The following ZMAT3 variants were observed in gnomAD, a reference collection of about 807,000 sequenced individuals.
ZMAT3 encodes zinc finger matrin-type protein 3.
Under a neutral mutation model 32.3 loss-of-function variants are expected in ZMAT3, and 17 were observed. The ratio of observed to expected loss-of-function variants is 0.53; its 90% CI spans 0.36 to 0.79. The LOEUF is 0.79. Ranked by LOEUF, ZMAT3 falls within the 30% of genes least tolerant of loss-of-function variation. ZMAT3 has a pLI of 0.00. For missense variants in ZMAT3, 329 were observed against 359.7 expected (o/e 0.91, Z 0.69); for synonymous variants, 120 against 133.1 (o/e 0.90, Z 0.68).
rs1276525056 is a variant in ZMAT3, at chr3:179,018,374, T to C, written c.*6643A>G. On this transcript the variant is annotated 3_prime_UTR_variant, in exon 6 of 6. Transcript: ENST00000311417. The stretch of plus-strand genomic sequence containing the variant: ...GTATTCAACAGTGCAGCAAGATTTT[T>C]AGCAACTGCGTCGGGCTTAATTTGG... The C allele has an allele frequency of 6.6e-6, 1 of 152,148 alleles. No homozygotes were observed. The highest frequency in any genetic ancestry group is 1.5e-5 in the Non-Finnish European group (1 of 68,028). The allele number at this position is 152,148 out of a possible 1,614,324, so 9.4% of individuals were successfully genotyped here.
intron 2 of ZMAT3, among the ~76,000 whole-genome samples, chr3:179,058,527 C>T (rs977827104): frequency 4.6e-5 from 7 of 152,210 alleles, no homozygotes; most frequent in Admixed American, 4.6e-4. Flanking sequence ...GAGGCCGAGG[C>T]GGGCGGATCA....
intron 2 of ZMAT3, among the ~76,000 whole-genome samples, chr3:179,034,167 A>T (rs1337369684): frequency 6.6e-6 from 1 of 152,246 alleles, no homozygotes; most frequent in Non-Finnish European, 1.5e-5. Flanking sequence ...TTCACCATCT[A>T]TTTATATGCT....
intron 2 of ZMAT3, among the ~76,000 whole-genome samples, chr3:179,063,250 A>G (rs533686221): frequency 1.3e-5 from 2 of 152,366 alleles, no homozygotes; most frequent in Non-Finnish European, 1.5e-5. Flanking sequence ...AAATTAGCTG[A>G]GATTTAATTC....
intron 2 of ZMAT3, among the ~76,000 whole-genome samples, chr3:179,050,318 C>CA (rs1418515546): frequency 1.3e-5 from 2 of 151,842 alleles, no homozygotes; most frequent in Non-Finnish European, 2.9e-5. Flanking sequence ...CACAGAAATA[C>CA]AAAAAATCAT....
upstream of ZMAT3, chr3:179,072,055 A>G (rs1313051506): frequency 6.6e-6 from 1 of 152,478 alleles, no homozygotes; most frequent in African/African-American, 2.4e-5. Context: ...CTCAGCAGAC[A>G]GCCCCGAAGA....
intron 2 of ZMAT3, among the ~76,000 whole-genome samples, chr3:179,042,055 T>A (rs1298216963): frequency 6.6e-6 from 1 of 152,178 alleles, no homozygotes. Context: ...AATCTCTGAA[T>A]AGACCAGTAA....
intron 2 of ZMAT3, among the ~76,000 whole-genome samples, chr3:179,033,516 GGAAA>G (rs201059061): frequency 0.043 from 6,247 of 144,556 alleles, 167 homozygotes; most frequent in Non-Finnish European, 0.062. Flanking sequence ...TTAAAAAAAA[GGAAA>G]GAAAGAAAAG....
At chr3:179,068,426 C>T (rs979547131) in intron 1 of ZMAT3, among the ~76,000 whole-genome samples, 22 of 151,986 alleles carry the variant, frequency 1.4e-4, no homozygotes, top group African/African-American at 3.9e-4. Flanking sequence ...GCAGGAGAAT[C>T]GCTTGAACCG....
chr3:179,059,423 G>A (rs112059368), intron 2 of ZMAT3, among the ~76,000 whole-genome samples: 2 of 152,258 alleles, frequency 1.3e-5, no homozygotes, highest in African/African-American at 4.8e-5. Context: ...CCCATCAGAT[G>A]GCCAAAGCAT....
At chr3:179,032,869 G>A (rs1257327113) in intron 2 of ZMAT3, among the ~76,000 whole-genome samples, 2 of 150,872 alleles carry the variant, frequency 1.3e-5, no homozygotes, top group African/African-American at 4.9e-5. Context: ...CAGGAGGTGG[G>A]GGGCAGCCCC....
intron 2 of ZMAT3, among the ~76,000 whole-genome samples, chr3:179,062,193 T>A (rs1009958884): frequency 1.3e-5 from 2 of 151,884 alleles, no homozygotes; most frequent in East Asian, 3.9e-4. Flanking sequence ...ATGGTGACAA[T>A]GGAAAGGACC....
rs1385874874 is a variant in ZMAT3, at chr3:179,023,691, T to C, written c.*1326A>G. ...TTGTTTCCTAAAAACTGCTGGAAAA[T>C]ATATCTATATATATATATATTTTTT... On this transcript the variant is annotated 3_prime_UTR_variant, in exon 6 of 6. Coordinates refer to ENST00000311417, the MANE Select transcript of ZMAT3 (RefSeq NM_022470.4). 1 of 18,826 alleles carries C rather than the reference T, an allele frequency of 5.3e-5. No individual in the cohort carries two copies. The highest frequency in any genetic ancestry group is 8.5e-5 in the Non-Finnish European group (1 of 11,710). 1.2% of individuals were successfully genotyped at this position (18,826 alleles called of 1,614,324 possible).
chr3:179,071,091 A>G (rs2108596390), intron 1 of ZMAT3, among the ~76,000 whole-genome samples: 1 of 152,318 alleles, frequency 6.6e-6, no homozygotes, highest in East Asian at 1.9e-4. Flanking sequence ...AAAAAAAATA[A>G]TAATAATAAT....
Position 179,040,020 on chromosome 3 carries a change from A to G in ZMAT3, c.271-9021T>C, listed in dbSNP as rs139248849. On this transcript the variant is annotated intron_variant, in intron 2 of 5. Transcript: ENST00000311417. ...TTAATTAATGAAATAAAGCAAGAAGACATGGTTAGAAAAAAAGAGTAAAAA... is the reference window on the plus strand; with the variant it reads ...TTAATTAATGAAATAAAGCAAGAAGGCATGGTTAGAAAAAAAGAGTAAAAA... Among the ~76,000 whole-genome samples the G allele has an allele frequency of 1.8e-4, 27 of 152,282 alleles. No homozygotes were observed. In the East Asian group the frequency reaches 3.1e-3, roughly 17 times the overall value.
intron 2 of ZMAT3, among the ~76,000 whole-genome samples, chr3:179,053,103 C>T (rs1448399258): frequency 2.0e-5 from 3 of 151,122 alleles, no homozygotes; most frequent in Admixed American, 1.3e-4. Flanking sequence ...ATTCCAGCCT[C>T]GGTGACAGAG....
At chr3:179,060,478 C>T (rs959719176) in intron 2 of ZMAT3, among the ~76,000 whole-genome samples, 10 of 151,738 alleles carry the variant, frequency 6.6e-5, no homozygotes, top group African/African-American at 2.4e-4. Context: ...CCTGCCTCTA[C>T]TAAAAATACA....
rs1186029429 is a variant in ZMAT3 at position 179,046,735 on chromosome 3, T to C, written c.271-15736A>G. Among the ~76,000 whole-genome samples the C allele has an allele frequency of 6.6e-6, 1 of 152,168 alleles. No homozygotes were observed. Among genetic ancestry groups the C allele is most frequent in the Non-Finnish European group, 1.5e-5 (1 of 68,036 alleles). On this transcript the variant is annotated intron_variant, in intron 2 of 5. Coordinates refer to ENST00000311417, the MANE Select transcript of ZMAT3 (RefSeq NM_022470.4). This position sits in a 1 kb window ranked among gnomAD's most constrained non-coding sequence, Gnocchi z 4.3. ...CTGGGTGAGGCCTGTAACAGCCAGC[T>C]TTCCCCCAATTCCCTGGTGACCTGT...
At chr3:179,059,048 G>A (rs937307028) in intron 2 of ZMAT3, among the ~76,000 whole-genome samples, 2 of 152,146 alleles carry the variant, frequency 1.3e-5, no homozygotes, top group Non-Finnish European at 2.9e-5. Flanking sequence ...AAGCCATTAG[G>A]AGATTGTTAT....
intron 3 of ZMAT3, among the ~76,000 whole-genome samples, chr3:179,030,186 T>C (rs955319164): frequency 2.0e-5 from 3 of 152,114 alleles, no homozygotes; most frequent in African/African-American, 7.2e-5. Flanking sequence ...TTACACAGGC[T>C]CTCTGAATAG....
Sources: gnomAD v4.1 joint callset for allele counts (sites outside exome capture counted in the v4.1 genomes callset) on GRCh38, gnomAD v4.1.1 for gene constraint, Gnocchi (gnomAD v3.1) non-coding constraint, MANE v1.5 for transcripts, NCBI Gene and HGNC (gene_info 2026-07-23, HGNC 2026-07-21) for gene names.